Variants in RIC1 observed in about 807,000 individuals in gnomAD.
RIC1 encodes guanine nucleotide exchange factor subunit RIC1.
A neutral mutation model predicts 169.0 loss-of-function variants in RIC1; 88 were observed. The ratio of observed to expected loss-of-function variants is 0.52; its 90% CI spans 0.44 to 0.62. The LOEUF (loss-of-function observed/expected upper bound fraction) is 0.62, where lower values mean the gene tolerates loss of function less well. Ranked by LOEUF, RIC1 falls within the 20% of genes least tolerant of loss-of-function variation. The pLI, the probability that RIC1 is intolerant of heterozygous loss-of-function variation, is 0.00. For missense variants in RIC1, 1,877 were observed against 1,725.5 expected, an observed-to-expected ratio of 1.09 and a Z score of -1.56; for synonymous variants, 790 against 601.5, an observed-to-expected ratio of 1.31 and a Z score of -4.59.
intron 3 of RIC1, among the ~76,000 whole-genome samples, chr9:5,706,548 G>C (rs909372159): frequency 1.3e-5 from 2 of 151,788 alleles, no homozygotes; most frequent in Non-Finnish European, 1.5e-5. Context: ...TTTAAATATT[G>C]TATAGGTCAC....
chr9:5,735,562 T>C (rs891229838), intron 7 of RIC1, among the ~76,000 whole-genome samples: 2 of 152,222 alleles, frequency 1.3e-5, no homozygotes, highest in African/African-American at 2.4e-5. Flanking sequence ...AGTTCTCTTC[T>C]AGCATGCCCA....
At chr9:5,699,062 A>C (rs1822066451) in intron 3 of RIC1, among the ~76,000 whole-genome samples, 1 of 152,254 alleles carries the variant, frequency 6.6e-6, no homozygotes, top group Non-Finnish European at 1.5e-5. Flanking sequence ...GTATTCATTT[A>C]TACAATACTT....
At chr9:5,683,636 A>G (rs1009949111) in intron 2 of RIC1, among the ~76,000 whole-genome samples, 1 of 152,144 alleles carries the variant, frequency 6.6e-6, no homozygotes, top group African/African-American at 2.4e-5. Context: ...TCAGATCTCA[A>G]GCTGTGTGCT....
intron 12 of RIC1, among the ~76,000 whole-genome samples, chr9:5,752,437 T>A (rs954311669): frequency 9.2e-5 from 14 of 151,938 alleles, no homozygotes; most frequent in Middle Eastern, 6.8e-3. Context: ...TTCATAAGTT[T>A]TTTTTTGTTT....
In RIC1 at chr9:5,775,140, A is replaced by G. The variant is rs1827508874; in HGVS notation, c.*894A>G. ...ATTGGCTTGGTCATGAAGTAACAGA[A>G]ATGGTCACACTGATCATGAAATGCA... On this transcript the variant is annotated 3_prime_UTR_variant, in exon 26 of 26. Transcript: ENST00000414202. 1 of 152,186 alleles carries G rather than the reference A, an allele frequency of 6.6e-6. No homozygotes were observed. The highest frequency in any genetic ancestry group is 2.1e-4 in the South Asian group (1 of 4,836). 9.4% of individuals were successfully genotyped at this position (152,186 alleles called of 1,614,324 possible).
rs768910740 is a variant in RIC1, at chr9:5,636,790, A to G, written c.144+7337A>G. 3.7e-4 allele frequency among the ~76,000 whole-genome samples: 57 copies of G among 152,034 alleles called. 1 individual carries two copies. The highest frequency in any genetic ancestry group is 2.6e-4 in the Non-Finnish European group (18 of 68,004). On this transcript the variant is annotated intron_variant, in intron 1 of 25. Coordinates refer to ENST00000414202, the MANE Select transcript of RIC1 (RefSeq NM_020829.4). ...TAAGATTATGTCATCTTCAGAGACA[A>G]TTTTGCTTTTTCCTTTGAACTACTG... is the stretch of plus-strand genomic sequence containing the variant.
At position 5,724,482 on chromosome 9, in the gene RIC1, A is replaced by G. The variant is rs188634644; in HGVS notation, c.720+3732A>G. On this transcript the variant is annotated intron_variant, in intron 6 of 25. Coordinates refer to ENST00000414202, the MANE Select transcript of RIC1 (RefSeq NM_020829.4). The stretch of plus-strand genomic sequence containing the variant: ...GCGCTGAGACTATGGAGTTTTCTAG[A>G]TATACAATCATGTCATCTGCAAACA... Among the ~76,000 whole-genome samples, 577 of 152,338 alleles carry G rather than the reference A, an allele frequency of 3.8e-3. 1 individual carries two copies. The highest frequency in any genetic ancestry group is 0.013 in the African/African-American group (552 of 41,570).
At chr9:5,701,771 A>T (rs570094808) in intron 3 of RIC1, among the ~76,000 whole-genome samples, 1 of 152,176 alleles carries the variant, frequency 6.6e-6, no homozygotes, top group Non-Finnish European at 1.5e-5. Flanking sequence ...CTGTTCTTCC[A>T]AACAATTTTG....
chr9:5,738,545 CTTTTTTTT>C lies in RIC1; in HGVS notation c.901+21_901+28del. ...ACAGCAAAACAGTATCCTGGTGAGT[CTTTTTTTT>C]TTTTTTTTTTTTTAACATTTTTAAT... On this transcript the variant is annotated splice_region_variant and intron_variant, in intron 8 of 25. Transcript: ENST00000414202. 5 of 814,984 alleles carry C rather than the reference CTTTTTTTT, an allele frequency of 6.1e-6. No homozygotes were observed. Among genetic ancestry groups the C allele is most frequent in the South Asian group, 2.1e-5 (1 of 46,680 alleles). The allele number at this position is 814,984 out of a possible 1,614,324, so 50.5% of individuals were successfully genotyped here. A position where few individuals can be genotyped will look rare whatever the true frequency, so the allele number is the denominator to read the frequency against.
intron 3 of RIC1, among the ~76,000 whole-genome samples, chr9:5,706,444 C>G (rs1586985600): frequency 6.6e-6 from 1 of 152,042 alleles, no homozygotes; most frequent in East Asian, 1.9e-4. Context: ...GAGCAAGACT[C>G]TGTCTCAAAA....
intron 3 of RIC1, among the ~76,000 whole-genome samples, 196 bp downstream of exon 3, chr9:5,690,234 G>A (rs73392663): frequency 0.018 from 2,784 of 152,186 alleles, 83 homozygotes; most frequent in African/African-American, 0.062. Context: ...GAATCTTGAT[G>A]ATAAACTATA....
At chr9:5,708,394 G>A (rs1790238547) in intron 3 of RIC1, among the ~76,000 whole-genome samples, 1 of 152,042 alleles carries the variant, frequency 6.6e-6, no homozygotes, top group African/African-American at 2.4e-5. Context: ...TCTTACATGG[G>A]TTTGAGTTAT....
chr9:5,776,953 G>C (rs749943521), downstream of RIC1, among the ~76,000 whole-genome samples: 4 of 152,042 alleles, frequency 2.6e-5, no homozygotes, highest in Non-Finnish European at 4.4e-5. Context: ...CCATGGATTT[G>C]CCTATTCTGG....
intron 17 of RIC1, among the ~76,000 whole-genome samples, chr9:5,758,849 A>G (rs112546314): frequency 0.02 from 2,967 of 150,606 alleles, 33 homozygotes; most frequent in Non-Finnish European, 0.025. Context: ...GGCTCAAGCA[A>G]TTCTCCCGCC....
At chr9:5,738,667 G>A in intron 8 of RIC1, 129 bp downstream of exon 8, 3 of 483,762 alleles carry the variant, frequency 6.2e-6, no homozygotes, top group South Asian at 9.7e-5. Flanking sequence ...CTCTGGGTGT[G>A]TAAACTGGCT....
chr9:5,732,269 CT>C lies in RIC1; in HGVS notation c.721-118del, dbSNP rs1193692643. The C allele has an allele frequency of 4.0e-6, 3 of 753,504 alleles. No individual in the cohort carries two copies. In the African/African-American group the frequency reaches 5.3e-5, roughly 13 times the overall value. 46.7% of individuals were successfully genotyped at this position (753,504 alleles called of 1,614,324 possible). On this transcript the variant is annotated intron_variant, in intron 6 of 25. Transcript: ENST00000414202. ...GGTAGTCCTGGTGGGATATTTTCCT[CT>C]GCAGATGAAACCAAATAAAGCATTA...
intron 2 of RIC1, among the ~76,000 whole-genome samples, chr9:5,688,952 G>A (rs1443348736): frequency 6.7e-6 from 1 of 150,082 alleles, no homozygotes; most frequent in African/African-American, 2.4e-5. Flanking sequence ...TTACAGAAAT[G>A]TAAAATGGTT....
chr9:5,717,077 A>C (rs1228410531), intron 4 of RIC1, among the ~76,000 whole-genome samples: 1 of 152,320 alleles, frequency 6.6e-6, no homozygotes, highest in Admixed American at 6.5e-5. Flanking sequence ...TAAAAAGCCT[A>C]TCTGCTAATT....
intron 2 of RIC1, among the ~76,000 whole-genome samples, chr9:5,660,190 C>T (rs1819365529): frequency 6.6e-6 from 1 of 152,120 alleles, no homozygotes; most frequent in Non-Finnish European, 1.5e-5. Context: ...TGATCTTGTT[C>T]CTTTTTGTGG....
Sources: allele counts gnomAD v4.1 joint callset (sites outside exome capture counted in the v4.1 genomes callset), GRCh38; gene constraint gnomAD v4.1.1; transcripts MANE v1.5; gene names NCBI Gene and HGNC (gene_info 2026-07-23, HGNC 2026-07-21).